RBFOX1: variants seen among roughly 807,000 people sequenced by gnomAD.
RBFOX1 encodes the protein RNA binding protein fox-1 homolog 1.
RBFOX1 carries 8 observed loss-of-function variants against 57.7 expected under a neutral mutation model. The observed-to-expected ratio is 0.14, with a 90% CI of 0.08 to 0.25. The LOEUF is 0.25. Ranked by LOEUF, RBFOX1 falls within the 10% of genes least tolerant of loss-of-function variation. The probability of loss-of-function intolerance (pLI) is 1.00; values close to 1 mark genes in which losing one functional copy is unlikely to be tolerated. For synonymous variants in RBFOX1, 326 were observed against 222.4 expected, an observed-to-expected ratio of 1.47 and a Z score of -4.15; for missense variants, 611 against 548.5, an observed-to-expected ratio of 1.11 and a Z score of -1.14.
intron 2 of RBFOX1, among the ~76,000 whole-genome samples, chr16:6,345,195 G>T (rs564839796): frequency 6.6e-6 from 1 of 152,130 alleles, no homozygotes; most frequent in Admixed American, 6.6e-5. Context: ...TTGGCGCTGC[G>T]TCCAGGAGGG....
intron 4 of RBFOX1, among the ~76,000 whole-genome samples, chr16:5,903,750 T>C (rs1312229081): frequency 6.6e-6 from 1 of 152,122 alleles, no homozygotes; most frequent in African/African-American, 2.4e-5. Flanking sequence ...CCACAAACAC[T>C]ACCTATGAGA....
At chr16:5,269,908 G>A (rs1452764991) in intron 1 of RBFOX1, among the ~76,000 whole-genome samples, 9 of 152,178 alleles carry the variant, frequency 5.9e-5, no homozygotes, top group Non-Finnish European at 1.0e-4. Context: ...AAATCCCAGT[G>A]CTTTGGGAGG....
intron 3 of RBFOX1, among the ~76,000 whole-genome samples, chr16:7,048,167 C>A (rs528659793): frequency 1.6e-4 from 25 of 152,210 alleles, no homozygotes; most frequent in African/African-American, 5.8e-4. Context: ...GTGTGAGCCA[C>A]CGTGCCCAGC....
At chr16:6,152,696 TATG>T (rs34135856) in intron 1 of RBFOX1, among the ~76,000 whole-genome samples, 106,641 of 151,388 alleles carry the variant, frequency 0.7, 38,038 homozygotes, top group Middle Eastern at 0.79. Flanking sequence ...TCAAATCACA[TATG>T]ATATGTGGAA....
intron 3 of RBFOX1, among the ~76,000 whole-genome samples, chr16:5,863,904 TC>T (rs776106242): frequency 6.6e-6 from 1 of 152,188 alleles, no homozygotes; most frequent in Non-Finnish European, 1.5e-5. Flanking sequence ...TCCAATTTTT[TC>T]GTGAATTTCT....
intron 4 of RBFOX1, among the ~76,000 whole-genome samples, chr16:7,325,571 T>A (rs1025261323): frequency 6.6e-6 from 1 of 152,184 alleles, no homozygotes; most frequent in African/African-American, 2.4e-5. Context: ...AGTCTCTAAG[T>A]GGGGAGATGT....
intron 4 of RBFOX1, among the ~76,000 whole-genome samples, chr16:7,512,937 G>A (rs556992790): frequency 1.3e-5 from 2 of 152,272 alleles, no homozygotes; most frequent in Non-Finnish European, 2.9e-5. Flanking sequence ...ACAGGTCCAT[G>A]GTGTGTGTGA....
chr16:5,652,152 A>T (rs1017106299), intron 3 of RBFOX1, among the ~76,000 whole-genome samples: 7 of 152,164 alleles, frequency 4.6e-5, no homozygotes, highest in African/African-American at 1.7e-4. Context: ...TATACTTTTA[A>T]TGATGATGAT....
intron 3 of RBFOX1, chr16:6,774,155 C>G (rs771617896): frequency 1.3e-5 from 4 of 305,866 alleles, no homozygotes; most frequent in Non-Finnish European, 1.9e-5. Context: ...TCTGGGAAGG[C>G]AAATGAAAAA....
chr16:6,614,985 G>A (rs535944811), intron 2 of RBFOX1, among the ~76,000 whole-genome samples: 15 of 152,250 alleles, frequency 9.9e-5, no homozygotes, highest in South Asian at 8.3e-4. Context: ...ATTACCAGTC[G>A]AATTGTTTTG....
intron 2 of RBFOX1, among the ~76,000 whole-genome samples, chr16:6,606,015 A>C (rs2097920234): frequency 6.6e-6 from 1 of 152,150 alleles, no homozygotes; most frequent in South Asian, 2.1e-4. Flanking sequence ...AGACTGAGGC[A>C]GGAGGATCAC....
intron 4 of RBFOX1, among the ~76,000 whole-genome samples, chr16:5,895,161 A>G (rs1490508006): frequency 6.6e-6 from 1 of 152,266 alleles, no homozygotes; most frequent in East Asian, 1.9e-4. Context: ...AAGATTGTCC[A>G]TATCAACATT....
chr16:7,166,724 A>G (rs1312098174), intron 4 of RBFOX1, among the ~76,000 whole-genome samples: 1 of 152,066 alleles, frequency 6.6e-6, no homozygotes, highest in African/African-American at 2.4e-5. Flanking sequence ...TCTAACCGGC[A>G]TGTCAAGGCA....
rs376527748 is a variant in RBFOX1 at position 5,724,190 on chromosome 16, T to A, written c.318+125229T>A. On this transcript the variant is annotated intron_variant, in intron 3 of 19. Coordinates refer to the RBFOX1 transcript ENST00000641259. ...ATGTTTTTTCCTGAGTGGCAAGATATTCTTTGGAGCAGTGTCCTGAGCAAA... is the reference window on the plus strand; with the variant it reads ...ATGTTTTTTCCTGAGTGGCAAGATAATCTTTGGAGCAGTGTCCTGAGCAAA... 5.9e-5 allele frequency among the ~76,000 whole-genome samples: 9 copies of A among 152,286 alleles called. No homozygotes were observed. The East Asian group carries it at 9.7e-4, about 16-fold the overall frequency.
intron 4 of RBFOX1, among the ~76,000 whole-genome samples, chr16:7,366,149 G>T (rs891225907): frequency 2.0e-5 from 3 of 152,214 alleles, no homozygotes; most frequent in Non-Finnish European, 4.4e-5. Flanking sequence ...TCTAAACAGT[G>T]TATTGAGGCC....
intron 3 of RBFOX1, among the ~76,000 whole-genome samples, chr16:6,997,276 A>T (rs973184578): frequency 1.3e-5 from 2 of 152,162 alleles, no homozygotes; most frequent in Non-Finnish European, 2.9e-5. Flanking sequence ...CTAGTAAAAA[A>T]AAGTCTGCCA....
At chr16:6,363,968 A>G (rs1189323355) in intron 2 of RBFOX1, among the ~76,000 whole-genome samples, 2 of 152,250 alleles carry the variant, frequency 1.3e-5, no homozygotes, top group Non-Finnish European at 2.9e-5. Flanking sequence ...AATTGGAAAG[A>G]CATGAATGTA....
intron 4 of RBFOX1, among the ~76,000 whole-genome samples, chr16:7,477,909 C>A (rs867023567): frequency 2.7e-4 from 41 of 152,280 alleles, no homozygotes; most frequent in Admixed American, 1.3e-3. Flanking sequence ...CATCTTAAAG[C>A]ATCTTGTTGT....
intron 2 of RBFOX1, among the ~76,000 whole-genome samples, chr16:6,617,377 G>T (rs1286548039): frequency 3.3e-5 from 5 of 152,052 alleles, no homozygotes; most frequent in African/African-American, 4.8e-5. Context: ...GTATCTAAAG[G>T]CATGGATGTC....
Sources: gnomAD v4.1 joint callset for allele counts (sites outside exome capture counted in the v4.1 genomes callset) on GRCh38, gnomAD v4.1.1 for gene constraint, MANE v1.5 for transcripts, NCBI Gene and HGNC (gene_info 2026-07-23, HGNC 2026-07-21) for gene names.